Variants in CELF2 observed in about 807,000 individuals in gnomAD.
CELF2 encodes the protein CUG triplet repeat RNA-binding protein 2.
In CELF2, 8 loss-of-function variants were observed where a neutral mutation model predicts 62.6. That is an observed-to-expected ratio of 0.13 (90% confidence interval 0.07 to 0.23). The LOEUF (loss-of-function observed/expected upper bound fraction) is 0.23, where lower values mean the gene tolerates loss of function less well. CELF2 is among the 10% of genes least tolerant of loss of function. CELF2 has a pLI of 1.00. For synonymous variants in CELF2, 258 were observed against 250.0 expected (o/e 1.03, Z -0.30); for missense variants, 333 against 671.0 (o/e 0.50, Z 5.56).
chr10:10,920,891 G>T (rs908513619), intron 2 of CELF2, among the ~76,000 whole-genome samples: 2 of 152,112 alleles, frequency 1.3e-5, no homozygotes, highest in Admixed American at 6.5e-5. Context: ...ATTTTGCTGG[G>T]CATTGAATGT....
intron 1 of CELF2, among the ~76,000 whole-genome samples, chr10:11,050,459 C>A (rs1281717217): frequency 6.6e-6 from 1 of 152,196 alleles, no homozygotes; most frequent in Non-Finnish European, 1.5e-5. Flanking sequence ...ATTATTGGAA[C>A]CTGGCCTGGC....
At chr10:10,495,072 C>T in the CELF2 span, among the ~76,000 whole-genome samples, 3 of 151,820 alleles carry the variant, frequency 2.0e-5, no homozygotes, top group African/African-American at 4.8e-5. Context: ...GTCAGGAGAT[C>T]GAGACCATCC....
chr10:10,853,723 C>G (rs978623340), intron 1 of CELF2, among the ~76,000 whole-genome samples: 1 of 151,944 alleles, frequency 6.6e-6, no homozygotes, highest in Non-Finnish European at 1.5e-5. Context: ...GGGGAGCTGG[C>G]CTCTCGGTTC....
intron 2 of CELF2, among the ~76,000 whole-genome samples, chr10:10,976,390 A>G (rs1043278087): frequency 2.6e-5 from 4 of 152,196 alleles, no homozygotes; most frequent in African/African-American, 9.7e-5. Context: ...TCAGAACTAC[A>G]GGGCTCTGTT....
chr10:10,498,512 A>G, the CELF2 span, among the ~76,000 whole-genome samples: 120 of 152,350 alleles, frequency 7.9e-4, no homozygotes, highest in African/African-American at 2.7e-3. Flanking sequence ...TGAGGTGGAA[A>G]GCATAGTGTA....
chr10:10,466,152 A>T, the CELF2 span, among the ~76,000 whole-genome samples: 8 of 152,156 alleles, frequency 5.3e-5, no homozygotes, highest in African/African-American at 1.9e-4. Context: ...CTGTGAAGCC[A>T]CAACAATCAA....
chr10:11,025,235 G>GTATATATA (rs1353413938), intron 1 of CELF2, among the ~76,000 whole-genome samples: 16 of 41,160 alleles, frequency 3.9e-4, no homozygotes, highest in Non-Finnish European at 7.1e-4. Context: ...GTGTGTGTGT[G>GTATATATA]TGTGTATATG....
intron 5 of CELF2, among the ~76,000 whole-genome samples, chr10:11,264,771 A>G (rs2081677517): frequency 1.3e-5 from 2 of 152,198 alleles, no homozygotes; most frequent in African/African-American, 4.8e-5. Context: ...GCTGTTATTG[A>G]TGACAAAAGC....
the CELF2 span, among the ~76,000 whole-genome samples, chr10:10,515,909 C>T: frequency 6.6e-6 from 1 of 152,128 alleles, no homozygotes; most frequent in African/African-American, 2.4e-5. Context: ...TAATTGGCAA[C>T]GTTTTTCTTG....
upstream of CELF2, among the ~76,000 whole-genome samples, chr10:11,002,662 C>G (rs1237035180): frequency 6.6e-6 from 1 of 152,148 alleles, no homozygotes; most frequent in Non-Finnish European, 1.5e-5. The surrounding 1 kb of genome is among the most constrained non-coding windows in gnomAD (Gnocchi z 4.4). Flanking sequence ...ACCAGCGGTG[C>G]CTGCCCACTA....
At chr10:11,196,113 T>C (rs1484904524) in intron 2 of CELF2, among the ~76,000 whole-genome samples, 1 of 152,182 alleles carries the variant, frequency 6.6e-6, no homozygotes. Flanking sequence ...ATTAGGCTAT[T>C]TTTATTGGCT....
chr10:10,497,400 T>G, the CELF2 span, among the ~76,000 whole-genome samples: 1 of 152,110 alleles, frequency 6.6e-6, no homozygotes, highest in African/African-American at 2.4e-5. Flanking sequence ...TGCCAGGCAC[T>G]AGGTGCTGAA....
chr10:10,656,788 G>T, the CELF2 span, among the ~76,000 whole-genome samples: 1 of 142,944 alleles, frequency 7.0e-6, no homozygotes. Flanking sequence ...GAGTTAGTGG[G>T]TGCAGCGCAC....
the CELF2 span, among the ~76,000 whole-genome samples, chr10:10,755,134 T>C: frequency 1.3e-5 from 2 of 152,318 alleles, no homozygotes; most frequent in South Asian, 4.1e-4. Context: ...AAATGCAGGT[T>C]TGTAATCTCA....
chr10:10,525,532 C>T, the CELF2 span, among the ~76,000 whole-genome samples: 62,575 of 151,980 alleles, frequency 0.41, 12,955 homozygotes, highest in Middle Eastern at 0.46. Flanking sequence ...ACCACCATTC[C>T]ACCCTCTGCT....
chr10:10,948,700 C>T (rs956754133), intron 2 of CELF2, among the ~76,000 whole-genome samples: 2 of 152,138 alleles, frequency 1.3e-5, no homozygotes, highest in African/African-American at 4.8e-5. Context: ...TAGTCGGAAC[C>T]TCTGAGCCCT....
rs1216502047 is a variant in CELF2 at position 11,315,846 on chromosome 10, C to A, written c.1096+1588C>A. On this transcript the variant is annotated intron_variant, in intron 10 of 12. Transcript: ENST00000633077. This position sits in a 1 kb window ranked among gnomAD's most constrained non-coding sequence, Gnocchi z 5.8. Reference sequence around the variant, plus strand: ...TTCACCTAGGTCGAGGACGCGTGTGCTCGCACACATCCCCTCATGCTGCTT... The same window carrying A: ...TTCACCTAGGTCGAGGACGCGTGTGATCGCACACATCCCCTCATGCTGCTT... 6.6e-6 allele frequency among the ~76,000 whole-genome samples: 1 copy of A among 152,248 alleles called. No individual in the cohort carries two copies. Among genetic ancestry groups the A allele is most frequent in the Non-Finnish European group, 1.5e-5 (1 of 68,046 alleles).
intron 1 of CELF2, among the ~76,000 whole-genome samples, chr10:10,918,649 A>G (rs551105740): frequency 1.1e-4 from 16 of 152,292 alleles, no homozygotes; most frequent in Admixed American, 3.9e-4. Flanking sequence ...CACAGTAGGA[A>G]AAGAAAATGT....
chr10:11,157,642 A>C lies in CELF2; in HGVS notation c.75-7844A>C, dbSNP rs929012725. On this transcript the variant is annotated intron_variant, in intron 1 of 12. Coordinates refer to ENST00000633077, the MANE Select transcript of CELF2 (RefSeq NM_001326342.2). The surrounding 1 kb of genome is among the most constrained non-coding windows in gnomAD (Gnocchi z 4.9). ...AAATGACCTATTTTTCAGCTCTCTC[A>C]CCTTCAAACCTACCACTGTGCCTGA... Among the ~76,000 whole-genome samples the C allele has an allele frequency of 3.9e-5, 6 of 152,172 alleles. No homozygotes were observed. The highest frequency in any genetic ancestry group is 1.2e-4 in the African/African-American group (5 of 41,424).
Sources: gnomAD v4.1 joint callset for allele counts (sites outside exome capture counted in the v4.1 genomes callset) on GRCh38, gnomAD v4.1.1 for gene constraint, Gnocchi (gnomAD v3.1) non-coding constraint, MANE v1.5 for transcripts, NCBI Gene and HGNC (gene_info 2026-07-23, HGNC 2026-07-21) for gene names.